SLC35F3: variants seen among roughly 807,000 people sequenced by gnomAD.
SLC35F3 encodes the protein solute carrier family 35 member F3.
SLC35F3 carries 25 observed loss-of-function variants against 49.9 expected under a neutral mutation model. The observed-to-expected ratio is 0.50, with a 90% CI of 0.37 to 0.70. The LOEUF is 0.70. SLC35F3 is among the 30% of genes least tolerant of loss of function. SLC35F3 has a pLI of 0.00. For synonymous variants in SLC35F3, 275 were observed against 265.4 expected (o/e 1.04, Z -0.35); for missense variants, 525 against 639.8 (o/e 0.82, Z 1.94).
chr1:234,067,016 T>G (rs574417039), intron 2 of SLC35F3, among the ~76,000 whole-genome samples: 1 of 152,340 alleles, frequency 6.6e-6, no homozygotes, highest in South Asian at 2.1e-4. Flanking sequence ...TACAAATAAC[T>G]CTTATAATAA....
intron 2 of SLC35F3, among the ~76,000 whole-genome samples, chr1:234,009,527 C>A (rs1426344355): frequency 6.6e-6 from 1 of 152,178 alleles, no homozygotes; most frequent in Non-Finnish European, 1.5e-5. Flanking sequence ...AAATAAATTA[C>A]AACTCATTCC....
At chr1:234,045,773 G>A (rs748819615) in intron 2 of SLC35F3, among the ~76,000 whole-genome samples, 39 of 151,660 alleles carry the variant, frequency 2.6e-4, no homozygotes, top group Non-Finnish European at 7.4e-5. Context: ...CATCCTCAGG[G>A]GGAATTACTA....
chr1:233,960,380 A>G (rs538109821), intron 2 of SLC35F3, among the ~76,000 whole-genome samples: 3 of 152,236 alleles, frequency 2.0e-5, no homozygotes, highest in Admixed American at 1.3e-4. Flanking sequence ...TTATCCTCCA[A>G]TACAAGCGGC....
At chr1:234,234,478 GTCTGAGTGGA>G (rs150443196) in intron 3 of SLC35F3, among the ~76,000 whole-genome samples, 1,900 of 152,324 alleles carry the variant, frequency 0.012, 47 homozygotes, top group African/African-American at 0.044. Context: ...GATTCAGTGG[GTCTGAGTGGA>G]TCTGAGATTC....
intron 2 of SLC35F3, among the ~76,000 whole-genome samples, chr1:233,955,992 ATTC>A (rs2102808035): frequency 7.2e-6 from 1 of 138,948 alleles, no homozygotes; most frequent in South Asian, 2.2e-4. Flanking sequence ...GGTTCAGGCT[ATTC>A]TTCTGCCTCA....
intron 2 of SLC35F3, among the ~76,000 whole-genome samples, chr1:234,144,706 C>T (rs761805834): frequency 6.6e-6 from 1 of 152,126 alleles, no homozygotes; most frequent in Admixed American, 6.5e-5. Flanking sequence ...CTTTGCTAGA[C>T]TGTGGGGATA....
intron 4 of SLC35F3, among the ~76,000 whole-genome samples, chr1:234,313,060 A>G (rs1007619399): frequency 3.3e-5 from 5 of 152,074 alleles, no homozygotes; most frequent in Admixed American, 2.6e-4. Context: ...CATATTTTGT[A>G]GAGACAGAGT....
At chr1:233,948,921 G>T (rs1169300054) in intron 2 of SLC35F3, among the ~76,000 whole-genome samples, 1 of 152,140 alleles carries the variant, frequency 6.6e-6, no homozygotes, top group East Asian at 1.9e-4. Flanking sequence ...TAAGCTGGGA[G>T]GCTGTTTCTC....
chr1:234,142,910 T>A (rs1390052331), intron 2 of SLC35F3, among the ~76,000 whole-genome samples: 1 of 152,214 alleles, frequency 6.6e-6, no homozygotes, highest in African/African-American at 2.4e-5. Context: ...AACTGTGACA[T>A]ATTTTATTTA....
At chr1:234,064,116 G>A (rs893530652) in intron 2 of SLC35F3, among the ~76,000 whole-genome samples, 1 of 152,152 alleles carries the variant, frequency 6.6e-6, no homozygotes, top group Admixed American at 6.5e-5. Context: ...TTTTGGTGGG[G>A]GGGACTGTTT....
intron 3 of SLC35F3, among the ~76,000 whole-genome samples, chr1:234,253,847 G>T (rs1190902563): frequency 2.6e-5 from 4 of 152,144 alleles, no homozygotes; most frequent in Admixed American, 6.5e-5. Context: ...TTTTTTTTCA[G>T]TCATTGTGAG....
intron 2 of SLC35F3, among the ~76,000 whole-genome samples, chr1:234,220,626 G>A (rs1572100926): frequency 6.6e-6 from 1 of 152,294 alleles, no homozygotes; most frequent in Non-Finnish European, 1.5e-5. Flanking sequence ...CTGCCATGTG[G>A]TATGCCCACG....
At chr1:234,221,708 G>T (rs984125687) in intron 2 of SLC35F3, among the ~76,000 whole-genome samples, 18 of 152,128 alleles carry the variant, frequency 1.2e-4, no homozygotes, top group Middle Eastern at 3.2e-3. Flanking sequence ...TCAGGAGAAG[G>T]GACTGGAGGG....
intron 2 of SLC35F3, among the ~76,000 whole-genome samples, chr1:234,177,256 T>G (rs374886381): frequency 6.4e-4 from 98 of 152,368 alleles, no homozygotes; most frequent in African/African-American, 2.2e-3. Context: ...CCCAGCCATG[T>G]GGAACTGTGA....
intron 2 of SLC35F3, among the ~76,000 whole-genome samples, chr1:234,153,873 A>C (rs1008393190): frequency 6.6e-6 from 1 of 151,626 alleles, no homozygotes; most frequent in Non-Finnish European, 1.5e-5. Context: ...GGAGATCGAG[A>C]CCATGCTGGC....
intron 3 of SLC35F3, among the ~76,000 whole-genome samples, chr1:234,254,198 T>G (rs973152205): frequency 6.6e-5 from 10 of 152,204 alleles, no homozygotes; most frequent in Non-Finnish European, 1.3e-4. Flanking sequence ...TTTTATGCCT[T>G]TGGCTTCTTC....
intron 2 of SLC35F3, among the ~76,000 whole-genome samples, chr1:234,133,731 C>T (rs1180187715): frequency 6.6e-6 from 1 of 152,180 alleles, no homozygotes; most frequent in Non-Finnish European, 1.5e-5. Context: ...AGGCCATAAC[C>T]CTCTTTTCTG....
At chr1:234,025,589 C>T (rs1237954670) in intron 2 of SLC35F3, among the ~76,000 whole-genome samples, 1 of 152,040 alleles carries the variant, frequency 6.6e-6, no homozygotes, top group Admixed American at 6.6e-5. Flanking sequence ...AGCATTTTTT[C>T]ATATATTTGT....
intron 3 of SLC35F3, among the ~76,000 whole-genome samples, chr1:234,282,387 C>G (rs184297865): frequency 2.0e-5 from 3 of 152,332 alleles, no homozygotes; most frequent in African/African-American, 7.2e-5. Context: ...AATTGGTGGT[C>G]TTCTCCCACC....
Sources: gnomAD v4.1 joint callset for allele counts (sites outside exome capture counted in the v4.1 genomes callset) on GRCh38, gnomAD v4.1.1 for gene constraint, MANE v1.5 for transcripts, NCBI Gene and HGNC (gene_info 2026-07-23, HGNC 2026-07-21) for gene names.